PXYLP1: variants seen among roughly 807,000 people sequenced by gnomAD.
PXYLP1 encodes the protein 2-phosphoxylose phosphatase 1.
In PXYLP1, 17 loss-of-function variants were observed where a neutral mutation model predicts 37.9. That is an observed-to-expected ratio of 0.45 (90% CI 0.31 to 0.67). PXYLP1 has a LOEUF of 0.67. Ranked by LOEUF, PXYLP1 falls within the 30% of genes least tolerant of loss-of-function variation. The probability of loss-of-function intolerance (pLI) is 0.07; values close to 1 mark genes in which losing one functional copy is unlikely to be tolerated. For synonymous variants in PXYLP1, 221 were observed against 232.2 expected (o/e 0.95, Z 0.44); for missense variants, 511 against 612.0 (o/e 0.84, Z 1.74).
chr3:141,244,193 A>G (rs1940882201), intron 1 of PXYLP1, among the ~76,000 whole-genome samples: 1 of 152,250 alleles, frequency 6.6e-6, no homozygotes, highest in African/African-American at 2.4e-5. Context: ...TTTTACAAAT[A>G]GCAATTATTT....
chr3:141,238,379 G>A (rs1208073563), intron 1 of PXYLP1, among the ~76,000 whole-genome samples: 2 of 152,174 alleles, frequency 1.3e-5, no homozygotes, highest in Non-Finnish European at 2.9e-5. Context: ...GAGCTGGCAC[G>A]GCCTCCAGCA....
intron 4 of PXYLP1, among the ~76,000 whole-genome samples, chr3:141,283,289 T>G (rs1286546697): frequency 6.6e-6 from 1 of 152,010 alleles, no homozygotes; most frequent in African/African-American, 2.4e-5. Context: ...GCCTAGTCTG[T>G]ATAATTTTGC....
intron 1 of PXYLP1, among the ~76,000 whole-genome samples, chr3:141,251,592 A>G (rs557461311): frequency 6.6e-6 from 1 of 152,358 alleles, no homozygotes; most frequent in South Asian, 2.1e-4. Flanking sequence ...CATCTGCCAC[A>G]TAGTATGTCT....
chr3:141,235,406 C>G, intron 1 of PXYLP1: 1 of 152,294 alleles, frequency 6.6e-6, no homozygotes, highest in Non-Finnish European at 1.5e-5. Flanking sequence ...AGGCCCTGAG[C>G]TGTAGCCCCA....
intron 5 of PXYLP1, among the ~76,000 whole-genome samples, chr3:141,287,746 C>G (rs578010071): frequency 6.6e-6 from 1 of 152,326 alleles, no homozygotes; most frequent in South Asian, 2.1e-4. Flanking sequence ...GAAATAGACC[C>G]TTAAGAGTAA....
In PXYLP1 at chr3:141,292,462, C is replaced by T. The variant is rs372638475; in HGVS notation, c.700C>T (p.His234Tyr). ...DFDWKKIYFRHQPSALFCSGS... is the reference protein window; with the variant it reads ...DFDWKKIYFRYQPSALFCSGS... Reference sequence around the variant, plus strand: ...TGACTGGAAGAAGATTTATTTCAGGCACCAGCCAAGTGCGCTGTTCTGCTC... The same window carrying T: ...TGACTGGAAGAAGATTTATTTCAGGTACCAGCCAAGTGCGCTGTTCTGCTC... The change falls in exon 6 of 6, where the codon CAC becomes TAC. Residue 234 changes from histidine (H) to tyrosine (Y), a missense_variant. Physicochemically the swap from His to Tyr is moderately conservative, Grantham distance 83. Coordinates refer to ENST00000286353, the MANE Select transcript of PXYLP1 (RefSeq NM_001037172.3). The surrounding 1 kb of genome is among the most constrained non-coding windows in gnomAD (Gnocchi z 4.3). The T allele has an allele frequency of 8.7e-6, 14 of 1,614,106 alleles. No individual in the cohort carries two copies. The African/African-American group carries it at 1.3e-4, about 15-fold the overall frequency.
chr3:141,260,234 T>G lies in PXYLP1; in HGVS notation c.59T>G (p.Val20Gly), dbSNP rs1295557035. 2.5e-6 allele frequency: 4 copies of G among 1,613,356 alleles called. No homozygotes were observed. The South Asian group carries it at 4.4e-5, about 18-fold the overall frequency. Residue 20 changes from valine (V) to glycine (G), a missense_variant, in exon 2 of 6, where the codon GTG (valine) becomes GGG (glycine). By Grantham distance (109) the Val-to-Gly change is moderately radical. Transcript: ENST00000286353. ...LLALAALLAF[V>G]SLSLQFFHLI... The stretch of plus-strand genomic sequence containing the variant: ...GCCCTGGCTGCGCTGCTGGCCTTTG[T>G]GAGCCTCAGCCTGCAGTTCTGTGAG...
intron 2 of PXYLP1, among the ~76,000 whole-genome samples, chr3:141,274,804 T>G (rs1941752257): frequency 6.6e-6 from 1 of 152,162 alleles, no homozygotes; most frequent in Non-Finnish European, 1.5e-5. Context: ...GAAGAGGATG[T>G]GGGAACTGGG....
At chr3:141,241,745 A>G (rs890451321) in intron 1 of PXYLP1, among the ~76,000 whole-genome samples, 1 of 152,176 alleles carries the variant, frequency 6.6e-6, no homozygotes, top group African/African-American at 2.4e-5. Context: ...ACCAGCCCCC[A>G]TGGAACTCAT....
intron 1 of PXYLP1, among the ~76,000 whole-genome samples, chr3:141,248,611 GTATATATACACACACGTA>G (rs1941034626): frequency 1.1e-5 from 1 of 94,806 alleles, no homozygotes; most frequent in Non-Finnish European, 2.0e-5. Context: ...ATATACACAC[GTATATATACACACACGTA>G]TATATACACA....
At chr3:141,256,358 A>G (rs1559884437) in intron 1 of PXYLP1, among the ~76,000 whole-genome samples, 2 of 152,224 alleles carry the variant, frequency 1.3e-5, no homozygotes, top group African/African-American at 4.8e-5. Flanking sequence ...CAGCAGAGCT[A>G]GGAATTGAAC....
chr3:141,284,096 A>G (rs1396652241), intron 4 of PXYLP1, among the ~76,000 whole-genome samples: 1 of 152,084 alleles, frequency 6.6e-6, no homozygotes, highest in Non-Finnish European at 1.5e-5. Flanking sequence ...CCTATTTTGT[A>G]AGTTTATTTT....
chr3:141,250,751 G>A (rs953113864), intron 1 of PXYLP1, among the ~76,000 whole-genome samples: 2 of 152,190 alleles, frequency 1.3e-5, no homozygotes, highest in Non-Finnish European at 2.9e-5. Flanking sequence ...GACAGACATG[G>A]AAAGCTCTTG....
chr3:141,238,185 C>T (rs1478464122), intron 1 of PXYLP1, among the ~76,000 whole-genome samples: 3 of 152,230 alleles, frequency 2.0e-5, no homozygotes, highest in African/African-American at 7.2e-5. Context: ...CAGAACACTG[C>T]ATTTCCTGTG....
At chr3:141,243,735 G>A in intron 1 of PXYLP1, among the ~76,000 whole-genome samples, 1 of 152,158 alleles carries the variant, frequency 6.6e-6, no homozygotes, top group Admixed American at 6.5e-5. Context: ...GCTGCTAAGT[G>A]GGGCACGAGG....
At chr3:141,271,635 G>C (rs1159473573) in intron 2 of PXYLP1, among the ~76,000 whole-genome samples, 1 of 152,196 alleles carries the variant, frequency 6.6e-6, no homozygotes, top group Non-Finnish European at 1.5e-5. Context: ...ACTGTAATCT[G>C]CCAGGTATCT....
intron 1 of PXYLP1, among the ~76,000 whole-genome samples, chr3:141,248,674 TGTATATATACACAC>T (rs1197541648): frequency 0.052 from 3,302 of 63,686 alleles, 611 homozygotes; most frequent in Middle Eastern, 0.092. Flanking sequence ...TACACACACG[TGTATATATACACAC>T]GTATATACAC....
Position 141,278,495 on chromosome 3 carries a change from T to C in PXYLP1, c.233T>C (p.Met78Thr), listed in dbSNP as rs1310294779. The C allele has an allele frequency of 8.1e-6, 13 of 1,614,032 alleles. No individual in the cohort carries two copies. Among genetic ancestry groups the C allele is most frequent in the Non-Finnish European group, 1.1e-5 (13 of 1,180,004 alleles). ...CNIPSVAERSMEGHAPHHFKL... is the reference protein window; with the variant it reads ...CNIPSVAERSTEGHAPHHFKL... ...ATCCCCAGCGTGGCCGAGCGCAGCA[T>C]GGAAGGTAGGCCTGACTGTGCCACC... Residue 78 changes from methionine (M) to threonine (T), a missense_variant, in exon 3 of 6, where the codon ATG becomes ACG. By Grantham distance (81) the Met-to-Thr change is moderately conservative (BLOSUM62 -1). Transcript: ENST00000286353.
chr3:141,239,324 C>T (rs976624516), intron 1 of PXYLP1, among the ~76,000 whole-genome samples: 8 of 152,160 alleles, frequency 5.3e-5, no homozygotes, highest in African/African-American at 1.9e-4. Flanking sequence ...AAAGCTTGGG[C>T]ATTTATGGTC....
Sources: allele counts gnomAD v4.1 joint callset (sites outside exome capture counted in the v4.1 genomes callset), GRCh38; gene constraint gnomAD v4.1.1; non-coding constraint Gnocchi (gnomAD v3.1); transcripts MANE v1.5; gene names NCBI Gene and HGNC (gene_info 2026-07-23, HGNC 2026-07-21).